UEVLD: variants seen among roughly 807,000 people sequenced by gnomAD.
UEVLD encodes UEV and lactate/malate dehyrogenase domains.
In UEVLD, 47 loss-of-function variants were observed where a neutral mutation model predicts 58.6. The ratio of observed to expected loss-of-function variants is 0.80; its 90% confidence interval spans 0.63 to 1.02. The LOEUF is 1.02. Among genes scored for constraint, UEVLD ranks in the 50% least tolerant of loss-of-function variants. The pLI, the probability that UEVLD is intolerant of heterozygous loss-of-function variation, is 0.00. For synonymous variants in UEVLD, 197 were observed against 195.3 expected, an observed-to-expected ratio of 1.01 and a Z score of -0.07; for missense variants, 510 against 550.6, an observed-to-expected ratio of 0.93 and a Z score of 0.74.
intron 4 of UEVLD, among the ~76,000 whole-genome samples, chr11:18,567,476 T>G (rs1030793719): frequency 2.0e-5 from 3 of 152,188 alleles, no homozygotes; most frequent in African/African-American, 7.2e-5. Flanking sequence ...GGGCCAAGAA[T>G]TCAAATACCT....
rs1020955878 is a variant in UEVLD at position 18,530,092 on chromosome 11, GTTAGA to G, written c.*2223_*2227del. 2.0e-5 allele frequency: 3 copies of G among 151,926 alleles called. No individual in the cohort carries two copies. The highest frequency in any genetic ancestry group is 7.3e-5 in the African/African-American group (3 of 41,344). 9.4% of individuals were successfully genotyped at this position (151,926 alleles called of 1,614,324 possible). A position where few individuals can be genotyped will look rare whatever the true frequency, so the allele number is the denominator to read the frequency against. On this transcript the variant is annotated 3_prime_UTR_variant, in exon 12 of 12. Coordinates refer to ENST00000396197, the MANE Select transcript of UEVLD (RefSeq NM_001040697.4). Reference sequence around the variant, plus strand: ...GTAATTTATTATACAATATTTTCTGGTTAGATTATTGTTCAAAAGCATATTACATA... The same window carrying G: ...GTAATTTATTATACAATATTTTCTGGTTATTGTTCAAAAGCATATTACATA...
At chr11:18,540,551 G>A (rs1407351573) in intron 9 of UEVLD, among the ~76,000 whole-genome samples, 3 of 152,180 alleles carry the variant, frequency 2.0e-5, no homozygotes, top group African/African-American at 7.2e-5. Flanking sequence ...GGCAGACAGG[G>A]AGATAGACTG....
At chr11:18,565,316 G>A (rs990220154) in intron 5 of UEVLD, among the ~76,000 whole-genome samples, 1 of 151,986 alleles carries the variant, frequency 6.6e-6, no homozygotes, top group Non-Finnish European at 1.5e-5. Flanking sequence ...TCATTGCTCT[G>A]GTCTACAATA....
At chr11:18,588,563 C>A in intron 1 of UEVLD, 50 bp downstream of exon 1, 1 of 1,592,432 alleles carries the variant, frequency 6.3e-7, no homozygotes, top group South Asian at 1.1e-5. Context: ...GGCAGAGGCA[C>A]CCCCCGCAAG....
intron 1 of UEVLD, among the ~76,000 whole-genome samples, chr11:18,585,784 CCCA>C (rs768326249): frequency 6.6e-6 from 1 of 151,906 alleles, no homozygotes; most frequent in Non-Finnish European, 1.5e-5. Flanking sequence ...GTTACAGGTG[CCCA>C]CCACCATGCC....
intron 9 of UEVLD, among the ~76,000 whole-genome samples, chr11:18,540,177 T>C (rs931719366): frequency 6.6e-6 from 1 of 152,248 alleles, no homozygotes; most frequent in African/African-American, 2.4e-5. Flanking sequence ...ATCTCAGTTC[T>C]GCCCTTCACA....
At chr11:18,581,074 A>C (rs1384430153) in intron 1 of UEVLD, among the ~76,000 whole-genome samples, 2 of 151,830 alleles carry the variant, frequency 1.3e-5, no homozygotes, top group South Asian at 2.1e-4. Flanking sequence ...AGGCAGGAGA[A>C]TCGCTTAAAC....
Position 18,588,599 on chromosome 11 carries a change from C to G in UEVLD, c.42+14G>C, listed in dbSNP as rs548690724. 2 of 1,609,080 alleles carry G rather than the reference C, an allele frequency of 1.2e-6. No homozygotes were observed. Among genetic ancestry groups the G allele is most frequent in the Non-Finnish European group, 8.5e-7 (1 of 1,179,534 alleles). On this transcript the variant is annotated intron_variant, in intron 1 of 11. Transcript: ENST00000396197. ...ACCCTGAGGACCCAAACTGGCCCAG[C>G]GGACTGCCCGCACCTTGCCAAGCAG... is the stretch of plus-strand genomic sequence containing the variant.
Position 18,578,790 on chromosome 11 carries a change from T to A in UEVLD, c.61A>T (p.Thr21Ser). Reference protein sequence around the residue: ...LLGKYKFRDLTVEELRNVNVF... With the variant: ...LLGKYKFRDLSVEELRNVNVF... ...TTTACATTCCTTAGTTCTTCCACAG[T>A]TAGGTCCCTGAACTTGTACTGAAAA... Residue 21 changes from threonine (T) to serine (S), a missense_variant, in exon 2 of 12, where the codon ACT becomes TCT. Physicochemically the swap from Thr to Ser is moderately conservative, Grantham distance 58 (BLOSUM62 1). Coordinates refer to ENST00000396197, the MANE Select transcript of UEVLD (RefSeq NM_001040697.4). 4 of 1,606,282 alleles carry A rather than the reference T, an allele frequency of 2.5e-6. No individual in the cohort carries two copies. Among genetic ancestry groups the A allele is most frequent in the Non-Finnish European group, 3.4e-6 (4 of 1,176,470 alleles).
chr11:18,547,798 T>C (rs10832940), intron 7 of UEVLD, among the ~76,000 whole-genome samples: 56,391 of 151,886 alleles, frequency 0.37, 11,013 homozygotes, highest in East Asian at 0.66. Context: ...GGCTGGTAAG[T>C]ATAGCTCCAG....
intron 8 of UEVLD, among the ~76,000 whole-genome samples, chr11:18,545,074 A>ATCTATATATATATATTT (rs1345787784): frequency 1.2e-5 from 1 of 84,572 alleles, no homozygotes; most frequent in Admixed American, 1.2e-4. Flanking sequence ...CTATATCTAT[A>ATCTATATATATATATTT]TTTTTTTTTT....
rs890676886 is a variant in UEVLD, at chr11:18,542,890, C to CTTTTTTTTTTTTTTTTTT, written c.1060+1732_1060+1733insAAAAAAAAAAAAAAAAAA. 1.5e-3 allele frequency among the ~76,000 whole-genome samples: 185 copies of CTTTTTTTTTTTTTTTTTT among 125,872 alleles called. 4 individuals are homozygous for CTTTTTTTTTTTTTTTTTT. The highest frequency in any genetic ancestry group is 2.1e-3 in the South Asian group (8 of 3,740). The allele number at this position is 125,872 out of a possible 152,430, so 82.6% of individuals were successfully genotyped here. On this transcript the variant is annotated intron_variant, in intron 9 of 11. Coordinates refer to ENST00000396197, the MANE Select transcript of UEVLD (RefSeq NM_001040697.4). Reference sequence around the variant, plus strand: ...CAGAGGAGTTATTTTCTTTTCTTTTCTTTTTTTTTTTTTTTTCTTTGAGAC... The same window carrying CTTTTTTTTTTTTTTTTTT: ...CAGAGGAGTTATTTTCTTTTCTTTTCTTTTTTTTTTTTTTTTTTTTTTTTTTTTTTTTTTCTTTGAGAC...
In UEVLD at chr11:18,588,707, C is replaced by A; in HGVS notation, c.-53G>T. The A allele has an allele frequency of 6.3e-7, 1 of 1,589,346 alleles. No individual in the cohort carries two copies. The highest frequency in any genetic ancestry group is 8.5e-7 in the Non-Finnish European group (1 of 1,172,892). ...AGGACTCCAGCCCCCGGACCTTCTT[C>A]CGGACTTGCTGCAGGACGGAAGCCG... On this transcript the variant is annotated 5_prime_UTR_variant, in exon 1 of 12. Transcript: ENST00000396197.
chr11:18,578,250 T>A (rs946516609), intron 2 of UEVLD, among the ~76,000 whole-genome samples: 1 of 152,154 alleles, frequency 6.6e-6, no homozygotes, highest in African/African-American at 2.4e-5. Context: ...GATTTGACTA[T>A]AGAAGAATGG....
At chr11:18,572,065 T>A (rs1036704358) in intron 3 of UEVLD, among the ~76,000 whole-genome samples, 5 of 151,530 alleles carry the variant, frequency 3.3e-5, no homozygotes, top group Non-Finnish European at 7.4e-5. Context: ...TGAAACCCCA[T>A]CTCTACTAAA....
chr11:18,575,612 G>T (rs1280544874), intron 2 of UEVLD, among the ~76,000 whole-genome samples, 200 bp from the exon 3 acceptor site: 1 of 152,056 alleles, frequency 6.6e-6, no homozygotes, highest in Non-Finnish European at 1.5e-5. Flanking sequence ...AAGCAGTAAG[G>T]GTAGCTGAAA....
At chr11:18,541,188 A>G (rs1165905531) in intron 9 of UEVLD, among the ~76,000 whole-genome samples, 1 of 152,214 alleles carries the variant, frequency 6.6e-6, no homozygotes, top group Non-Finnish European at 1.5e-5. Flanking sequence ...TACTCATTCA[A>G]TATTTATTGT....
At chr11:18,566,612 TC>T in intron 4 of UEVLD, 130 bp from the exon 5 acceptor site, 1 of 914,442 alleles carries the variant, frequency 1.1e-6, no homozygotes, top group Non-Finnish European at 1.6e-6. Context: ...ACCACTATAC[TC>T]CAGCTTGGGC....
intron 1 of UEVLD, chr11:18,579,532 T>C (rs1429309391): frequency 2.0e-6 from 2 of 983,340 alleles, no homozygotes; most frequent in African/African-American, 3.5e-5. Context: ...ATACCTCGAC[T>C]TTCCCCTCCC....
Sources: allele counts gnomAD v4.1 joint callset (sites outside exome capture counted in the v4.1 genomes callset), GRCh38; gene constraint gnomAD v4.1.1; transcripts MANE v1.5; gene names NCBI Gene and HGNC (gene_info 2026-07-23, HGNC 2026-07-21).